The following IRF2 variants were observed in gnomAD, a reference collection of about 807,000 sequenced individuals.
The protein encoded by IRF2 is interferon regulatory factor 2.
In IRF2, 15 loss-of-function variants were observed where a neutral mutation model predicts 40.6. The observed-to-expected ratio is 0.37, with a 90% CI of 0.25 to 0.57. IRF2 has a LOEUF of 0.57. Among genes scored for constraint, IRF2 ranks in the 20% least tolerant of loss-of-function variants. The pLI is 0.77. For missense variants in IRF2, 317 were observed against 455.7 expected, an observed-to-expected ratio of 0.70 and a Z score of 2.77; for synonymous variants, 151 against 165.5, an observed-to-expected ratio of 0.91 and a Z score of 0.67.
intron 7 of IRF2, among the ~76,000 whole-genome samples, chr4:184,395,370 A>G (rs570985247): frequency 1.8e-3 from 258 of 140,440 alleles, no homozygotes; most frequent in Non-Finnish European, 2.5e-3. Context: ...CCGAGATCGC[A>G]CCACTGCACT....
intron 1 of IRF2, chr4:184,473,827 G>T (rs1739621935): frequency 6.6e-6 from 1 of 151,984 alleles, no homozygotes; most frequent in African/African-American, 2.4e-5. Flanking sequence ...GCCTGGAGAG[G>T]CGCCGCCGCG....
chr4:184,461,694 C>T (rs1340436000), intron 1 of IRF2, among the ~76,000 whole-genome samples: 5 of 146,400 alleles, frequency 3.4e-5, no homozygotes, highest in South Asian at 2.2e-4. Context: ...GCCCCCCCAC[C>T]GCCCCCCAAC....
chr4:184,424,572 C>T (rs978187130), intron 2 of IRF2, among the ~76,000 whole-genome samples: 3 of 152,170 alleles, frequency 2.0e-5, no homozygotes, highest in African/African-American at 7.2e-5. Flanking sequence ...GCTCTTTCCC[C>T]GCACCGGGTG....
chr4:184,436,128 C>G lies in IRF2; in HGVS notation c.-6-7058G>C, dbSNP rs528732128. On this transcript the variant is annotated intron_variant, in intron 1 of 8. Coordinates refer to ENST00000393593, the MANE Select transcript of IRF2 (RefSeq NM_002199.4). ...AGTAGCTGGGACTACAGGTGCCCAC[C>G]ACCATGCCCAGCTAATTTTTGTATT... Among the ~76,000 whole-genome samples the G allele has an allele frequency of 9.2e-5, 14 of 152,194 alleles. No homozygotes were observed. The South Asian group carries it at 2.9e-3, about 32-fold the overall frequency.
At chr4:184,411,864 C>T (rs1320932252) in intron 5 of IRF2, among the ~76,000 whole-genome samples, 1 of 151,998 alleles carries the variant, frequency 6.6e-6, no homozygotes, top group East Asian at 1.9e-4. Context: ...TTTGCTGCAC[C>T]ATAACCTGGC....
intron 1 of IRF2, among the ~76,000 whole-genome samples, chr4:184,456,584 C>A (rs1204177723): frequency 1.3e-5 from 2 of 152,256 alleles, no homozygotes; most frequent in Non-Finnish European, 2.9e-5. Context: ...GGAAACCCCT[C>A]GGTCCAGCCA....
Position 184,424,535 on chromosome 4 carries a change from G to C in IRF2, c.87+4443C>G, listed in dbSNP as rs73007034. ...TAGGATTGTGGCTTTTTAAGAGGAA[G>C]AGAGACCTGTGCTAGCACGTGAGCA... On this transcript the variant is annotated intron_variant, in intron 2 of 8. Transcript: ENST00000393593. Among the ~76,000 whole-genome samples, 1,502 of 152,258 alleles carry C rather than the reference G, an allele frequency of 9.9e-3. 21 individuals carry two copies. Among genetic ancestry groups the C allele is most frequent in the African/African-American group, 0.035 (1,456 of 41,536 alleles).
At chr4:184,392,387 T>C (rs2149890580) in intron 7 of IRF2, among the ~76,000 whole-genome samples, 1 of 152,326 alleles carries the variant, frequency 6.6e-6, no homozygotes, top group Middle Eastern at 3.4e-3. Context: ...AATCCAAAAG[T>C]GAAGCTCGTG....
intron 1 of IRF2, among the ~76,000 whole-genome samples, chr4:184,454,873 A>G (rs1439033731): frequency 6.6e-6 from 1 of 152,180 alleles, no homozygotes; most frequent in Non-Finnish European, 1.5e-5. Flanking sequence ...TTAGGAGGAA[A>G]AGTATGAGGT....
chr4:184,432,031 GT>G (rs1737901678), intron 1 of IRF2: 1 of 152,200 alleles, frequency 6.6e-6, no homozygotes, highest in Non-Finnish European at 1.5e-5. Context: ...GCGAAGATCA[GT>G]TTTAAACGGA....
At chr4:184,421,092 T>A (rs1222722669) in intron 2 of IRF2, among the ~76,000 whole-genome samples, 2 of 152,172 alleles carry the variant, frequency 1.3e-5, no homozygotes, top group Non-Finnish European at 2.9e-5. Context: ...CTGCACTAGA[T>A]GCTGAGGAAG....
Position 184,388,820 on chromosome 4 carries a change from T to C in IRF2, c.988A>G (p.Thr330Ala). Residue 330 changes from threonine (T) to alanine (A), a missense_variant, in exon 9 of 9, where the codon ACC becomes GCC. Around this residue, in one of 2 missense-constraint regions of IRF2, gnomAD observed 262 missense variants for 334.0 expected, o/e 0.78. Coordinates refer to ENST00000393593, the MANE Select transcript of IRF2 (RefSeq NM_002199.4). The surrounding 1 kb of genome is among the most constrained non-coding windows in gnomAD (Gnocchi z 4.6). The part of the protein sequence containing the change: ...ASSSSRPDRE[T>A]RASVIKKTSD... Reference sequence around the variant, plus strand: ...GTTTTCTTGATGACGCTGGCCCGGGTCTCCCGGTCTGGCCGACTGCTGCTG... The same window carrying C: ...GTTTTCTTGATGACGCTGGCCCGGGCCTCCCGGTCTGGCCGACTGCTGCTG... The C allele has an allele frequency of 6.2e-7, 1 of 1,613,486 alleles. No individual in the cohort carries two copies. The highest frequency in any genetic ancestry group is 8.5e-7 in the Non-Finnish European group (1 of 1,179,958).
intron 6 of IRF2, among the ~76,000 whole-genome samples, chr4:184,400,583 T>G (rs1736630582): frequency 1.3e-5 from 2 of 152,262 alleles, no homozygotes; most frequent in Admixed American, 1.3e-4. Flanking sequence ...TGCCCAAGAA[T>G]GCAATTGCTG....
intron 1 of IRF2, among the ~76,000 whole-genome samples, chr4:184,438,114 GC>G (rs1738156261): frequency 6.6e-6 from 1 of 152,058 alleles, no homozygotes; most frequent in Non-Finnish European, 1.5e-5. Context: ...CAGCCCAAAT[GC>G]CTTTCATGCG....
chr4:184,397,245 C>A (rs1454495305), intron 7 of IRF2, among the ~76,000 whole-genome samples: 1 of 152,172 alleles, frequency 6.6e-6, no homozygotes, highest in Admixed American at 6.5e-5. Flanking sequence ...AGTCACAAAA[C>A]AACAAGCACT....
chr4:184,446,466 C>T (rs969325770), intron 1 of IRF2, among the ~76,000 whole-genome samples: 2 of 152,122 alleles, frequency 1.3e-5, no homozygotes, highest in African/African-American at 4.8e-5. Flanking sequence ...AGGAGGGCAT[C>T]GTCATTGTGG....
intron 1 of IRF2, among the ~76,000 whole-genome samples, chr4:184,462,703 A>C (rs1459003958): frequency 1.3e-5 from 2 of 152,262 alleles, no homozygotes; most frequent in East Asian, 3.8e-4. Flanking sequence ...AGGTCTGGAT[A>C]CAAAGGAGAA....
intron 2 of IRF2, among the ~76,000 whole-genome samples, chr4:184,424,825 G>A (rs541336375): frequency 6.6e-6 from 1 of 152,360 alleles, no homozygotes; most frequent in African/African-American, 2.4e-5. Flanking sequence ...TACTAAGAAT[G>A]GAGTAGGTTG....
rs758641849 is a variant in IRF2, at chr4:184,390,727, C to A, written c.717G>T (p.Val239=). 1 of 1,614,206 alleles carries A rather than the reference C, an allele frequency of 6.2e-7. No individual in the cohort carries two copies. The highest frequency in any genetic ancestry group is 1.1e-5 in the South Asian group (1 of 91,082). ...CCTCGGCACTCTCTTCATCGCTGGG[C>A]ACACTATCAGTCGTTTCGCTTTCTG... ...SYAESETTDS[V]PSDEESAEGR... Residue 239 remains valine (V), a synonymous_variant, in exon 8 of 9, where the codon GTG becomes GTT. Transcript: ENST00000393593.
Sources: gnomAD v4.1 joint callset for allele counts (sites outside exome capture counted in the v4.1 genomes callset) on GRCh38, gnomAD v4.1.1 for gene constraint, gnomAD v4.1.1 regional missense constraint, Gnocchi (gnomAD v3.1) non-coding constraint, MANE v1.5 for transcripts, NCBI Gene and HGNC (gene_info 2026-07-23, HGNC 2026-07-21) for gene names.